ULK4: variants seen among roughly 807,000 people sequenced by gnomAD.
The protein encoded by ULK4 is unc-51 like kinase 4.
In ULK4, 133 loss-of-function variants were observed where a neutral mutation model predicts 160.6. The observed-to-expected ratio is 0.83, with a 90% CI of 0.72 to 0.96. The LOEUF is 0.96. Ranked by LOEUF, ULK4 falls within the 40% of genes least tolerant of loss-of-function variation. ULK4 has a pLI of 0.00. For synonymous variants in ULK4, 534 were observed against 539.8 expected, an observed-to-expected ratio of 0.99 and a Z score of 0.15; for missense variants, 1,580 against 1,499.5, an observed-to-expected ratio of 1.05 and a Z score of -0.89.
chr3:41,596,530 TA>T (rs1276128743), intron 31 of ULK4, among the ~76,000 whole-genome samples: 1 of 152,148 alleles, frequency 6.6e-6, no homozygotes, highest in Non-Finnish European at 1.5e-5. Flanking sequence ...GCTGGGAAGA[TA>T]ATGATAATGG....
chr3:41,659,333 T>C (rs2035061226), intron 30 of ULK4, among the ~76,000 whole-genome samples: 2 of 152,086 alleles, frequency 1.3e-5, no homozygotes, highest in African/African-American at 4.8e-5. Context: ...AAAAGTAAAA[T>C]GGATTGGGCA....
At chr3:41,831,531 A>ATAGAGAGATATAT in intron 18 of ULK4, among the ~76,000 whole-genome samples, 3 of 138,066 alleles carry the variant, frequency 2.2e-5, no homozygotes, top group African/African-American at 5.7e-5. Flanking sequence ...ATATATATAT[A>ATAGAGAGATATAT]TTTTTTTTTC....
At chr3:41,453,901 A>G (rs1220892152) in intron 34 of ULK4, among the ~76,000 whole-genome samples, 1 of 151,766 alleles carries the variant, frequency 6.6e-6, no homozygotes, top group African/African-American at 2.4e-5. Context: ...GCTGGAAACC[A>G]TCATTCTCAG....
At chr3:41,636,326 A>G (rs1183525024) in intron 30 of ULK4, among the ~76,000 whole-genome samples, 1 of 152,080 alleles carries the variant, frequency 6.6e-6, no homozygotes, top group Non-Finnish European at 1.5e-5. Context: ...CTTGAGTCCA[A>G]GAGTTCAAGA....
chr3:41,771,887 T>G (rs2039394085), intron 21 of ULK4, among the ~76,000 whole-genome samples: 1 of 152,222 alleles, frequency 6.6e-6, no homozygotes, highest in African/African-American at 2.4e-5. Flanking sequence ...TCTTAGTATT[T>G]GAAACTTGTA....
chr3:41,405,691 T>C (rs964754269), intron 34 of ULK4, among the ~76,000 whole-genome samples: 5 of 152,236 alleles, frequency 3.3e-5, no homozygotes, highest in South Asian at 2.1e-4. Context: ...TATCTCATTG[T>C]GGTTTTGATT....
Position 41,773,138 on chromosome 3 carries a change from A to G in ULK4, c.2193+16523T>C, listed in dbSNP as rs560405032. Among the ~76,000 whole-genome samples, 716 of 152,170 alleles carry G rather than the reference A, an allele frequency of 4.7e-3. 8 individuals carry two copies. The highest frequency in any genetic ancestry group is 0.01 in the Middle Eastern group (3 of 294). On this transcript the variant is annotated intron_variant, in intron 21 of 36. Transcript: ENST00000301831. ...CATACTGAATGGAAAAAAACTGGAA[A>G]CATTCCCTTTGAAAACTGGCACAAG...
chr3:41,711,636 A>T (rs6800818), intron 25 of ULK4, among the ~76,000 whole-genome samples: 4,358 of 152,296 alleles, frequency 0.029, 206 homozygotes, highest in African/African-American at 0.1. Flanking sequence ...ATAACCTTTC[A>T]TAGTTATTTT....
intron 18 of ULK4, among the ~76,000 whole-genome samples, chr3:41,824,506 C>T (rs1195312534): frequency 2.0e-5 from 3 of 152,174 alleles, no homozygotes; most frequent in Admixed American, 6.5e-5. Flanking sequence ...AAACAGCACA[C>T]CAGGAGATTA....
intron 32 of ULK4, among the ~76,000 whole-genome samples, chr3:41,543,433 ATGT>A (rs2086758468): frequency 6.6e-6 from 1 of 152,076 alleles, no homozygotes; most frequent in Non-Finnish European, 1.5e-5. Context: ...TATTAGAACA[ATGT>A]TGTATTGTGT....
intron 29 of ULK4, among the ~76,000 whole-genome samples, chr3:41,680,820 T>A (rs544602663): frequency 6.6e-6 from 1 of 152,244 alleles, no homozygotes; most frequent in South Asian, 2.1e-4. Context: ...CCATCTAGCA[T>A]TTGTTTGATT....
intron 32 of ULK4, among the ~76,000 whole-genome samples, chr3:41,469,616 A>C (rs1327137357): frequency 1.3e-5 from 2 of 148,204 alleles, no homozygotes; most frequent in African/African-American, 5.0e-5. Flanking sequence ...AAAAAAAAAA[A>C]AAAAAAAAAA....
chr3:41,770,651 C>A (rs2039323791), intron 21 of ULK4, among the ~76,000 whole-genome samples: 1 of 151,922 alleles, frequency 6.6e-6, no homozygotes, highest in African/African-American at 2.4e-5. Flanking sequence ...GCTGGGACCA[C>A]AAGCACGCAC....
intron 35 of ULK4, among the ~76,000 whole-genome samples, chr3:41,345,110 A>C (rs2080772872): frequency 6.6e-6 from 1 of 152,196 alleles, no homozygotes; most frequent in Non-Finnish European, 1.5e-5. Context: ...CTATTATTAA[A>C]AAGTCAAAAA....
chr3:41,629,827 TAAA>T (rs59918364), intron 30 of ULK4, among the ~76,000 whole-genome samples: 2 of 147,326 alleles, frequency 1.4e-5, no homozygotes, highest in African/African-American at 2.5e-5. Flanking sequence ...CTGGTCTCTA[TAAA>T]AAAAAAAAAT....
Position 41,663,603 on chromosome 3 carries a change from G to A in ULK4, c.3071+4C>T. 6.2e-7 allele frequency: 1 copy of A among 1,611,974 alleles called. No individual in the cohort carries two copies. Among genetic ancestry groups the A allele is most frequent in the Non-Finnish European group, 8.5e-7 (1 of 1,178,166 alleles). On this transcript the variant is annotated splice_donor_region_variant and intron_variant, in intron 30 of 36. Transcript: ENST00000301831. The stretch of plus-strand genomic sequence containing the variant: ...CAAGAAAAAGAAATTTGAACTTCCA[G>A]TACCTTGTGAAAGTTGGGTTGTGTT...
chr3:41,573,785 G>A (rs1442863768), intron 31 of ULK4, among the ~76,000 whole-genome samples: 1 of 152,170 alleles, frequency 6.6e-6, no homozygotes, highest in Non-Finnish European at 1.5e-5. Flanking sequence ...GCGCCAAAGT[G>A]CTGCTCCAGG....
intron 30 of ULK4, among the ~76,000 whole-genome samples, chr3:41,620,803 A>C (rs768310127): frequency 6.6e-6 from 1 of 152,148 alleles, no homozygotes; most frequent in Non-Finnish European, 1.5e-5. Flanking sequence ...GGGTATTCAA[A>C]TAGGAAGAGA....
chr3:41,846,457 C>G (rs2042071910), intron 17 of ULK4, among the ~76,000 whole-genome samples: 1 of 152,012 alleles, frequency 6.6e-6, no homozygotes, highest in African/African-American at 2.4e-5. Context: ...GCATGTTTTC[C>G]TCTAGTCTTT....
Sources: allele counts gnomAD v4.1 joint callset (sites outside exome capture counted in the v4.1 genomes callset), GRCh38; gene constraint gnomAD v4.1.1; transcripts MANE v1.5; gene names NCBI Gene and HGNC (gene_info 2026-07-23, HGNC 2026-07-21).